Variants in ZFPM2 observed in about 807,000 individuals in gnomAD.
ZFPM2 encodes zinc finger protein ZFPM2.
In ZFPM2, 20 loss-of-function variants were observed where a neutral mutation model predicts 98.6. The observed-to-expected ratio is 0.20, with a 90% confidence interval of 0.14 to 0.29. The LOEUF is 0.29. Ranked by LOEUF, ZFPM2 falls within the 10% of genes least tolerant of loss-of-function variation. The pLI, the probability that ZFPM2 is intolerant of heterozygous loss-of-function variation, is 1.00. For missense variants in ZFPM2, 1,310 were observed against 1,388.6 expected, an observed-to-expected ratio of 0.94 and a Z score of 0.90; for synonymous variants, 518 against 502.7, an observed-to-expected ratio of 1.03 and a Z score of -0.41.
At chr8:105,601,230 G>C (rs548208324) in intron 4 of ZFPM2, among the ~76,000 whole-genome samples, 24 of 152,094 alleles carry the variant, frequency 1.6e-4, no homozygotes, top group Admixed American at 5.2e-4. Context: ...ATAACCAAAA[G>C]ATGTCTAAGC....
In ZFPM2 at chr8:105,327,603, A is replaced by G. The variant is rs537403513; in HGVS notation, c.40+8622A>G. On this transcript the variant is annotated intron_variant, in intron 1 of 7. Coordinates refer to ENST00000407775, the MANE Select transcript of ZFPM2 (RefSeq NM_012082.4). ...AGCTAAAAATCATGTATTTCAAAGTACTTTAAAATAATGATGAAATAAAAA... is the reference window on the plus strand; with the variant it reads ...AGCTAAAAATCATGTATTTCAAAGTGCTTTAAAATAATGATGAAATAAAAA... 9.9e-5 allele frequency among the ~76,000 whole-genome samples: 15 copies of G among 151,892 alleles called. No individual in the cohort carries two copies. In the South Asian group the frequency reaches 3.1e-3, roughly 31 times the overall value.
intron 4 of ZFPM2, among the ~76,000 whole-genome samples, chr8:105,620,510 T>C (rs77571112): frequency 0.2 from 30,783 of 152,146 alleles, 3,154 homozygotes; most frequent in South Asian, 0.26. Context: ...GTAGTTTCTT[T>C]TGTTGTGCAG....
chr8:105,602,000 C>G (rs1816102653), intron 4 of ZFPM2, among the ~76,000 whole-genome samples: 1 of 152,174 alleles, frequency 6.6e-6, no homozygotes, highest in African/African-American at 2.4e-5. Context: ...TCTGATTTCT[C>G]CAAGTTGGCT....
At chr8:105,583,160 G>C (rs1394600588) in intron 4 of ZFPM2, among the ~76,000 whole-genome samples, 1 of 151,906 alleles carries the variant, frequency 6.6e-6, no homozygotes, top group Non-Finnish European at 1.5e-5. Context: ...TCCATGTTTG[G>C]AATTTATTAT....
chr8:105,686,546 T>C (rs1189836107), intron 5 of ZFPM2, among the ~76,000 whole-genome samples: 1 of 152,138 alleles, frequency 6.6e-6, no homozygotes, highest in Non-Finnish European at 1.5e-5. Flanking sequence ...GAAACATATG[T>C]AGGAAATATA....
intron 5 of ZFPM2, among the ~76,000 whole-genome samples, chr8:105,704,490 C>T (rs1002347190): frequency 2.6e-5 from 4 of 152,122 alleles, no homozygotes; most frequent in Non-Finnish European, 5.9e-5. Context: ...AATTCGGTAA[C>T]TACTTTCGCT....
intron 1 of ZFPM2, among the ~76,000 whole-genome samples, chr8:105,390,069 T>TA (rs2129927507): frequency 6.6e-6 from 1 of 152,334 alleles, no homozygotes; most frequent in South Asian, 2.1e-4. Flanking sequence ...TCATGTATTT[T>TA]ATCTGGTAGC....
chr8:105,401,133 T>A (rs965729083), intron 1 of ZFPM2, among the ~76,000 whole-genome samples: 7 of 152,088 alleles, frequency 4.6e-5, no homozygotes, highest in Non-Finnish European at 1.0e-4. Context: ...TTTGTGATTT[T>A]TTTTTCAATG....
chr8:105,554,539 A>G (rs184295278), intron 3 of ZFPM2, among the ~76,000 whole-genome samples: 3 of 152,144 alleles, frequency 2.0e-5, no homozygotes, highest in Non-Finnish European at 4.4e-5. Flanking sequence ...AAATATAAAT[A>G]TGGGTTCTGA....
intron 4 of ZFPM2, among the ~76,000 whole-genome samples, chr8:105,625,734 CA>C (rs1816640431): frequency 6.6e-6 from 1 of 151,946 alleles, no homozygotes; most frequent in Non-Finnish European, 1.5e-5. Flanking sequence ...TGCCCACCAC[CA>C]AACCTGGCTA....
chr8:105,435,276 C>T (rs1024230316), intron 2 of ZFPM2, among the ~76,000 whole-genome samples: 1 of 152,058 alleles, frequency 6.6e-6, no homozygotes, highest in African/African-American at 2.4e-5. Flanking sequence ...AACTTCATAG[C>T]CATAATTTTG....
intron 5 of ZFPM2, among the ~76,000 whole-genome samples, chr8:105,725,007 T>G (rs1338612766): frequency 2.0e-5 from 3 of 151,844 alleles, no homozygotes; most frequent in Non-Finnish European, 4.4e-5. Flanking sequence ...TGTATATTCT[T>G]AAATCACATT....
intron 5 of ZFPM2, among the ~76,000 whole-genome samples, chr8:105,753,766 G>C (rs938603594): frequency 1.1e-4 from 17 of 152,032 alleles, no homozygotes; most frequent in African/African-American, 4.1e-4. Flanking sequence ...TAACCACAAA[G>C]TGGTAACAAA....
At chr8:105,746,414 G>A (rs1398089531) in intron 5 of ZFPM2, among the ~76,000 whole-genome samples, 2 of 151,894 alleles carry the variant, frequency 1.3e-5, no homozygotes, top group Admixed American at 6.6e-5. Context: ...TGTTTCAATT[G>A]GAAGGTTAAA....
intron 3 of ZFPM2, among the ~76,000 whole-genome samples, chr8:105,510,198 T>C (rs1179852312): frequency 6.6e-6 from 1 of 152,172 alleles, no homozygotes; most frequent in African/African-American, 2.4e-5. Flanking sequence ...CAGCCTTGTA[T>C]ATCTAAATAG....
At chr8:105,438,561 A>G (rs1812171183) in intron 2 of ZFPM2, among the ~76,000 whole-genome samples, 2 of 152,082 alleles carry the variant, frequency 1.3e-5, no homozygotes, top group Non-Finnish European at 2.9e-5. Context: ...TTTTTCTTCC[A>G]AAAATATGTA....
At chr8:105,608,911 A>G (rs553487493) in intron 4 of ZFPM2, among the ~76,000 whole-genome samples, 1 of 152,198 alleles carries the variant, frequency 6.6e-6, no homozygotes, top group African/African-American at 2.4e-5. Flanking sequence ...GTCATAAAGT[A>G]TTTATTGATG....
chr8:105,448,200 TCTTC>T (rs1342739163), intron 3 of ZFPM2, among the ~76,000 whole-genome samples: 2 of 152,086 alleles, frequency 1.3e-5, no homozygotes, highest in Non-Finnish European at 2.9e-5. Flanking sequence ...AATTGTTCTT[TCTTC>T]CTTATAAAAT....
At chr8:105,378,258 G>A (rs1810769530) in intron 1 of ZFPM2, among the ~76,000 whole-genome samples, 4 of 152,132 alleles carry the variant, frequency 2.6e-5, no homozygotes, top group African/African-American at 9.7e-5. Context: ...AAGAATTAGG[G>A]AGGCGGGGTC....
Sources: allele counts gnomAD v4.1 joint callset (sites outside exome capture counted in the v4.1 genomes callset), GRCh38; gene constraint gnomAD v4.1.1; transcripts MANE v1.5; gene names NCBI Gene and HGNC (gene_info 2026-07-23, HGNC 2026-07-21).